Variants in KRT78 observed in about 807,000 individuals in gnomAD.
KRT78 encodes the protein keratin, type II cytoskeletal 78.
Under a neutral mutation model 51.4 loss-of-function variants are expected in KRT78, and 55 were observed. That is an observed-to-expected ratio of 1.07 (90% CI 0.86 to 1.34). The LOEUF (loss-of-function observed/expected upper bound fraction) is 1.34. Ranked by LOEUF, KRT78 falls within the 40% of genes most tolerant of loss-of-function variation. The pLI, the probability that KRT78 is intolerant of heterozygous loss-of-function variation, is 0.00. For synonymous variants in KRT78, 291 were observed against 264.3 expected, an observed-to-expected ratio of 1.10 and a Z score of -0.98; for missense variants, 652 against 649.4, an observed-to-expected ratio of 1.00 and a Z score of -0.04.
At chr12:52,840,638 T>C (rs967568593) in intron 6 of KRT78, among the ~76,000 whole-genome samples, 26 of 151,404 alleles carry the variant, frequency 1.7e-4, no homozygotes, top group Non-Finnish European at 2.8e-4. Context: ...ACCCGGGAGG[T>C]GGAGGTTGCA....
intron 3 of KRT78, 103 bp downstream of exon 3, chr12:52,846,661 G>A: frequency 1.9e-6 from 2 of 1,041,598 alleles, no homozygotes; most frequent in East Asian, 2.5e-5. Flanking sequence ...GTGATAGCCT[G>A]TCCTAAATCA....
At chr12:52,846,635 G>C in intron 3 of KRT78, 129 bp downstream of exon 3, 1 of 855,204 alleles carries the variant, frequency 1.2e-6, no homozygotes, top group South Asian at 1.5e-5. Context: ...TTTCCCAGGG[G>C]ACCCCTGCAG....
intron 6 of KRT78, among the ~76,000 whole-genome samples, chr12:52,842,391 C>CT (rs1940518926): frequency 6.6e-6 from 1 of 152,188 alleles, no homozygotes; most frequent in African/African-American, 2.4e-5. Flanking sequence ...AGTGAGGTCT[C>CT]TACACCGCAG....
Position 52,839,820 on chromosome 12 carries a change from A to G in KRT78, c.1212T>C (p.Leu404=). 1 of 1,614,022 alleles carries G rather than the reference A, an allele frequency of 6.2e-7. No homozygotes were observed. Among genetic ancestry groups the G allele is most frequent in the Admixed American group, 1.7e-5 (1 of 59,998 alleles). ...AAGTGGCAATCTCCACATCCAGGGA[A>G]AGCTTCGTGCTCGTCAGCTCCTGGT... The part of the protein sequence containing the change: ...CEYQELTSTK[L]SLDVEIATYR... Residue 404 remains leucine (L), a synonymous_variant, in exon 7 of 9, where the codon CTT becomes CTC. Coordinates refer to ENST00000304620, the MANE Select transcript of KRT78 (RefSeq NM_173352.4).
intron 6 of KRT78, among the ~76,000 whole-genome samples, chr12:52,843,595 C>G (rs756122849): frequency 6.9e-6 from 1 of 145,232 alleles, no homozygotes; most frequent in Non-Finnish European, 1.5e-5. Flanking sequence ...GAGGCTGAGG[C>G]AGGAGAATCC....
intron 7 of KRT78, 110 bp downstream of exon 7, chr12:52,839,654 C>T (rs1565696903): frequency 7.5e-7 from 1 of 1,328,218 alleles, no homozygotes. Flanking sequence ...CTTAGCAACT[C>T]ACAATGTCAG....
chr12:52,848,869 C>A lies in KRT78; in HGVS notation c.62G>T (p.Arg21Leu). The A allele has an allele frequency of 2.5e-6, 4 of 1,609,932 alleles. No individual in the cohort carries two copies. The highest frequency in any genetic ancestry group is 3.4e-5 in the Admixed American group (2 of 59,494). Residue 21 changes from arginine (R) to leucine (L), a missense_variant, in exon 1 of 9, where the codon CGC (arginine) becomes CTC (leucine). Physicochemically the swap from Arg to Leu is moderately radical, Grantham distance 102 (BLOSUM62 -2). Transcript: ENST00000304620. ...GFSARSACSA[R>L]SRGRSRGGFS... is the part of the protein sequence containing the mutation. ...GCCTCCCCTGCTGCGGCCCCTTGAG[C>A]GAGCAGAACAGGCTGAGCGAGCGCT...
intron 4 of KRT78, among the ~76,000 whole-genome samples, chr12:52,845,746 G>A (rs1431589581): frequency 6.6e-6 from 1 of 152,160 alleles, no homozygotes; most frequent in Admixed American, 6.5e-5. Context: ...ATGAGGTCAG[G>A]AGTTCAAGAC....
At chr12:52,845,678 G>A (rs142984837) in intron 4 of KRT78, among the ~76,000 whole-genome samples, 18 of 152,222 alleles carry the variant, frequency 1.2e-4, no homozygotes, top group African/African-American at 3.4e-4. Flanking sequence ...AAACTTAGTC[G>A]GGCGTGGTGG....
chr12:52,847,155 A>G (rs1299359076), intron 2 of KRT78, among the ~76,000 whole-genome samples: 1 of 152,238 alleles, frequency 6.6e-6, no homozygotes, highest in Non-Finnish European at 1.5e-5. Flanking sequence ...AAGACCCCAC[A>G]GATGACTAGG....
chr12:52,843,084 A>C (rs1015492909), intron 6 of KRT78, among the ~76,000 whole-genome samples: 1 of 149,162 alleles, frequency 6.7e-6, no homozygotes, highest in African/African-American at 2.5e-5. Flanking sequence ...AAAAGAGATG[A>C]AGCTGGGTGC....
At chr12:52,848,328 C>A (rs938629860) in intron 1 of KRT78, 6 of 1,489,360 alleles carry the variant, frequency 4.0e-6, no homozygotes, top group African/African-American at 2.8e-5. Flanking sequence ...GCCTTCCCCC[C>A]GCTGGCTGGC....
Position 52,847,862 on chromosome 12 carries a change from C to G in KRT78, c.599+45G>C, listed in dbSNP as rs772940749. 7.0e-6 allele frequency: 11 copies of G among 1,581,056 alleles called. No individual in the cohort carries two copies. In the African/African-American group the frequency reaches 1.3e-4, roughly 19 times the overall value. On this transcript the variant is annotated intron_variant, in intron 2 of 8. Coordinates refer to ENST00000304620, the MANE Select transcript of KRT78 (RefSeq NM_173352.4). ...GGCTGACAGACCCAAACTGAGTCATCCCAGACCCCGCCCACATGGCATGGG... is the reference window on the plus strand; with the variant it reads ...GGCTGACAGACCCAAACTGAGTCATGCCAGACCCCGCCCACATGGCATGGG...
chr12:52,846,810 G>T lies in KRT78; in HGVS notation c.614C>A (p.Ala205Asp), dbSNP rs1565701251. Reference sequence around the variant, plus strand: ...GTTCTCAAGTGTGGCACGCCTGTGGGCCTCCTCCTCATACCTGCCAAATAA... The same window carrying T: ...GTTCTCAAGTGTGGCACGCCTGTGGTCCTCCTCCTCATACCTGCCAAATAA... ...EEYKSKYEEE[A>D]HRRATLENDF... The change falls in exon 3 of 9, where the codon GCC becomes GAC. Residue 205 changes from alanine (A) to aspartate (D), a missense_variant. Physicochemically the swap from Ala to Asp is moderately radical, Grantham distance 126 (BLOSUM62 -2). Coordinates refer to ENST00000304620, the MANE Select transcript of KRT78 (RefSeq NM_173352.4). 2 of 1,613,580 alleles carry T rather than the reference G, an allele frequency of 1.2e-6. No homozygotes were observed. The highest frequency in any genetic ancestry group is 1.1e-5 in the South Asian group (1 of 90,956).
chr12:52,839,124 T>C lies in KRT78; in HGVS notation c.1552A>G (p.Ile518Val), dbSNP rs776149805. 1.2e-6 allele frequency: 2 copies of C among 1,612,980 alleles called. No homozygotes were observed. Among genetic ancestry groups the C allele is most frequent in the African/African-American group, 1.3e-5 (1 of 74,982 alleles). Residue 518 changes from isoleucine to valine, a missense_variant, in exon 9 of 9, where the codon ATC (isoleucine) becomes GTC (valine). Ile to Val is a conservative substitution (Grantham distance 29). Coordinates refer to ENST00000304620, the MANE Select transcript of KRT78 (RefSeq NM_173352.4). ...KTVESSLKTS[I>V]TY ...GGCTGCTGGGTCGCTCAGTAGGTGATGGATGTCTTCAGACTCGACTCAACT... is the reference window on the plus strand; with the variant it reads ...GGCTGCTGGGTCGCTCAGTAGGTGACGGATGTCTTCAGACTCGACTCAACT...
Position 52,839,839 on chromosome 12 carries a change from T to A in KRT78, c.1193A>T (p.Glu398Val), listed in dbSNP as rs555930629. Residue 398 changes from glutamate to valine, a missense_variant, in exon 7 of 9, where the codon GAG (glutamate) becomes GTG (valine). Coordinates refer to ENST00000304620, the MANE Select transcript of KRT78 (RefSeq NM_173352.4). ...CAGGGAAAGCTTCGTGCTCGTCAGC[T>A]CCTGGTACTCGCACAGCAGCCGGGC... ...NLARLLCEYQELTSTKLSLDV... is the reference protein window; with the variant it reads ...NLARLLCEYQVLTSTKLSLDV... 1 of 1,613,948 alleles carries A rather than the reference T, an allele frequency of 6.2e-7. No homozygotes were observed. The highest frequency in any genetic ancestry group is 1.3e-5 in the African/African-American group (1 of 74,962).
rs1428936077 is a variant in KRT78 at position 52,846,881 on chromosome 12, C to T, written c.600-57G>A. The stretch of plus-strand genomic sequence containing the variant: ...AGGCTCCACGGTCAGAGCTCATGCC[C>T]CCATGTCCGAGCATGACCTCCCTGA... On this transcript the variant is annotated intron_variant, in intron 2 of 8. Coordinates refer to ENST00000304620, the MANE Select transcript of KRT78 (RefSeq NM_173352.4). 4 of 1,369,608 alleles carry T rather than the reference C, an allele frequency of 2.9e-6. No homozygotes were observed. In the East Asian group the frequency reaches 9.2e-5, roughly 32 times the overall value. 84.8% of individuals were successfully genotyped at this position (1,369,608 alleles called of 1,614,324 possible). A position where few individuals can be genotyped will look rare whatever the true frequency, so the allele number is the denominator to read the frequency against.
chr12:52,842,398 G>A (rs1179544373), intron 6 of KRT78, among the ~76,000 whole-genome samples: 3 of 152,126 alleles, frequency 2.0e-5, no homozygotes, highest in African/African-American at 2.4e-5. Context: ...TCTCTACACC[G>A]CAGGAGGAGC....
At chr12:52,839,634 G>C in intron 7 of KRT78, 130 bp downstream of exon 7, 1 of 1,272,528 alleles carries the variant, frequency 7.9e-7, no homozygotes, top group Non-Finnish European at 1.1e-6. Context: ...TCTCTGCAGC[G>C]TCGGTTGCCC....
Sources: allele counts gnomAD v4.1 joint callset (sites outside exome capture counted in the v4.1 genomes callset), GRCh38; gene constraint gnomAD v4.1.1; transcripts MANE v1.5; gene names NCBI Gene and HGNC (gene_info 2026-07-23, HGNC 2026-07-21).